PCAT6: variants seen among roughly 807,000 people sequenced by gnomAD.
PCAT6 encodes prostate cancer associated transcript 6, also known as KDM5B antisense RNA 1 (head to head).
At chr1:202,810,978 G>A (rs1043894437) in exon 1 of PCAT6, 4 of 222,152 alleles carry the variant, frequency 1.8e-5, no homozygotes, top group Non-Finnish European at 3.5e-5. Context: ...GGCAACCCCA[G>A]CCTGGAGGTG....
chr1:202,811,062 G>A lies in PCAT6; in HGVS notation n.180G>A, dbSNP rs574598062. 8.3e-6 allele frequency: 3 copies of A among 360,012 alleles called. No homozygotes were observed. In the South Asian group the frequency reaches 4.5e-4, roughly 54 times the overall value. 22.3% of individuals were successfully genotyped at this position (360,012 alleles called of 1,614,324 possible). A position where few individuals can be genotyped will look rare whatever the true frequency, so the allele number is the denominator to read the frequency against. On this transcript the variant is annotated non_coding_transcript_exon_variant, in exon 1 of 1. Transcript: ENST00000686658. ...AGGTTCGGGTTCCTAGGCCATAGCG[G>A]AGCTGCAGCCCAGGCGGCCGGAGCG...
chr1:202,811,663 C>A, exon 1 of PCAT6: 1 of 360,014 alleles, frequency 2.8e-6, no homozygotes. Context: ...CCCTCCCAAC[C>A]CGGTGGATCC....
chr1:202,811,221 C>T (rs1400257081), exon 1 of PCAT6: 5 of 398,350 alleles, frequency 1.3e-5, no homozygotes, highest in Non-Finnish European at 4.4e-6. Flanking sequence ...CGGACACATC[C>T]CTAGGTGTCT....
chr1:202,811,368 C>G (rs1017990573), exon 1 of PCAT6: 1 of 398,616 alleles, frequency 2.5e-6, no homozygotes, highest in African/African-American at 2.1e-5. Context: ...CGCGTTCCTT[C>G]CGGTAACCGC....
At chr1:202,811,177 C>CT (rs1658542188) in exon 1 of PCAT6, 1 of 396,536 alleles carries the variant, frequency 2.5e-6, no homozygotes, top group Non-Finnish European at 4.4e-6. Context: ...CTCCGTCCCC[C>CT]AAACCGCCCT....
At chr1:202,811,436 C>G (rs1658548966) in exon 1 of PCAT6, 1 of 398,566 alleles carries the variant, frequency 2.5e-6, no homozygotes, top group African/African-American at 2.1e-5. Flanking sequence ...CCTCCCCTCC[C>G]CCTGGGCGCC....
chr1:202,811,207 C>G (rs909110487), exon 1 of PCAT6: 1 of 398,082 alleles, frequency 2.5e-6, no homozygotes, highest in African/African-American at 2.1e-5. Flanking sequence ...AGCGCCAGAT[C>G]CTTCGGACAC....
exon 1 of PCAT6, chr1:202,811,158 C>T (rs1658541427): frequency 5.0e-6 from 2 of 396,954 alleles, no homozygotes; most frequent in Admixed American, 4.4e-5. Context: ...ACTCCGCCCC[C>T]GCCCGGGCCT....
At chr1:202,811,679 T>C (rs2275897) in exon 1 of PCAT6, 87,918 of 337,976 alleles carry the variant, frequency 0.26, 12,278 homozygotes, top group Non-Finnish European at 0.31. Context: ...GATCCTCTCG[T>C]CTCCCCCAGT....
At chr1:202,811,535 T>C (rs2275896) in exon 1 of PCAT6, 210,132 of 396,238 alleles carry the variant, frequency 0.53, 56,828 homozygotes, top group East Asian at 0.67. Context: ...ACGTGTAGGG[T>C]CCGCTCCCCA....
At chr1:202,810,961 G>T in exon 1 of PCAT6, 1 of 202,722 alleles carries the variant, frequency 4.9e-6, no homozygotes, top group Admixed American at 6.0e-5. Flanking sequence ...CCCAGAGGCC[G>T]GACCTGGGCA....
chr1:202,811,249 A>T (rs1193883384), exon 1 of PCAT6: 2 of 398,916 alleles, frequency 5.0e-6, no homozygotes, highest in Non-Finnish European at 8.8e-6. Context: ...CATTCGGTCC[A>T]TCCAACTCCC....
chr1:202,811,650 T>G, exon 1 of PCAT6: 2 of 366,834 alleles, frequency 5.5e-6, no homozygotes. Flanking sequence ...ACCACCACCC[T>G]TCCCCTCCCA....
At chr1:202,811,243 C>T in exon 1 of PCAT6, 1 of 398,968 alleles carries the variant, frequency 2.5e-6, no homozygotes, top group African/African-American at 2.1e-5. Context: ...CATCCTCATT[C>T]GGTCCATCCA....
At chr1:202,811,360 C>A in exon 1 of PCAT6, 1 of 398,724 alleles carries the variant, frequency 2.5e-6, no homozygotes, top group Non-Finnish European at 4.4e-6. Flanking sequence ...GCGCTCCTCG[C>A]GTTCCTTCCG....
chr1:202,811,008 A>AG, exon 1 of PCAT6: 1 of 265,204 alleles, frequency 3.8e-6, no homozygotes, highest in East Asian at 6.5e-5. Context: ...GAGCTCCCAG[A>AG]GGGCTGGGTG....
exon 1 of PCAT6, chr1:202,811,143 A>AC (rs2102366766): frequency 2.5e-6 from 1 of 395,478 alleles, no homozygotes; most frequent in Non-Finnish European, 4.5e-6. Flanking sequence ...TTACTCTTGG[A>AC]CAACACTCCG....
chr1:202,811,289 T>G (rs1401045889), exon 1 of PCAT6: 1 of 399,204 alleles, frequency 2.5e-6, no homozygotes, highest in Non-Finnish European at 4.4e-6. Flanking sequence ...TGCACCCCAC[T>G]TTCCAGCCTG....
exon 1 of PCAT6, chr1:202,810,955 G>C: frequency 5.1e-6 from 1 of 197,460 alleles, no homozygotes; most frequent in Non-Finnish European, 1.0e-5. Context: ...GGACGCCCCA[G>C]AGGCCGGACC....
Sources: gnomAD v4.1 joint callset for allele counts on GRCh38, gnomAD v4.1.1 for gene constraint, MANE v1.5 for transcripts, NCBI Gene and HGNC (gene_info 2026-07-23, HGNC 2026-07-21) for gene names.